PTPRD: variants seen among roughly 807,000 people sequenced by gnomAD.
PTPRD encodes protein tyrosine phosphatase receptor type D, also known as receptor-type tyrosine-protein phosphatase delta.
PTPRD carries 34 observed loss-of-function variants against 214.5 expected under a neutral mutation model. That is an observed-to-expected ratio of 0.16 (90% CI 0.12 to 0.21). The LOEUF is 0.21. PTPRD is among the 10% of genes least tolerant of loss of function. PTPRD has a pLI of 1.00. For synonymous variants in PTPRD, 1,128 were observed against 845.7 expected, an observed-to-expected ratio of 1.33 and a Z score of -5.79; for missense variants, 2,545 against 2,398.7, an observed-to-expected ratio of 1.06 and a Z score of -1.27.
chr9:10,193,603 T>C (rs539460794), intron 3 of PTPRD, among the ~76,000 whole-genome samples: 20 of 152,248 alleles, frequency 1.3e-4, no homozygotes, highest in African/African-American at 4.8e-4. Flanking sequence ...AATGTCAAGA[T>C]ACAGTGTTTC....
intron 9 of PTPRD, among the ~76,000 whole-genome samples, chr9:9,374,955 T>A (rs1358091512): frequency 1.3e-5 from 2 of 152,192 alleles, no homozygotes; most frequent in Non-Finnish European, 2.9e-5. Context: ...ATAAAAGACT[T>A]TTTAAAGAAT....
chr9:10,417,984 A>G (rs2098508543), intron 2 of PTPRD, among the ~76,000 whole-genome samples: 1 of 151,920 alleles, frequency 6.6e-6, no homozygotes, highest in African/African-American at 2.4e-5. Context: ...GGAGTTTAAC[A>G]GATTAGTTAA....
chr9:10,199,917 A>G (rs2099412913), intron 3 of PTPRD, among the ~76,000 whole-genome samples: 1 of 151,848 alleles, frequency 6.6e-6, no homozygotes, highest in South Asian at 2.1e-4. Context: ...ACACGCACAC[A>G]CACACACACA....
intron 10 of PTPRD, among the ~76,000 whole-genome samples, chr9:9,092,938 A>G (rs1189539663): frequency 6.6e-6 from 1 of 152,104 alleles, no homozygotes; most frequent in Non-Finnish European, 1.5e-5. Flanking sequence ...GCTATTGACA[A>G]GAAACCTGCT....
chr9:10,494,668 A>G (rs1414554152), intron 2 of PTPRD, among the ~76,000 whole-genome samples: 2 of 150,596 alleles, frequency 1.3e-5, no homozygotes, highest in African/African-American at 4.9e-5. Context: ...AACACAGGTA[A>G]TTGTAAAACT....
At chr9:8,431,212 A>G (rs1446755375) in intron 35 of PTPRD, among the ~76,000 whole-genome samples, 1 of 152,194 alleles carries the variant, frequency 6.6e-6, no homozygotes, top group Admixed American at 6.5e-5. Flanking sequence ...ACTGGCAAGT[A>G]CAACTTAGTC....
At chr9:10,292,243 T>C (rs2095548057) in intron 3 of PTPRD, among the ~76,000 whole-genome samples, 2 of 152,048 alleles carry the variant, frequency 1.3e-5, no homozygotes, top group South Asian at 4.1e-4. Flanking sequence ...TCACCTATAA[T>C]CTGTCAGCAC....
At chr9:10,527,148 G>C (rs899944870) in intron 2 of PTPRD, among the ~76,000 whole-genome samples, 10 of 152,124 alleles carry the variant, frequency 6.6e-5, no homozygotes, top group African/African-American at 2.2e-4. Flanking sequence ...GGTGTGAATA[G>C]ACAGAAACTA....
At chr9:9,021,101 T>G (rs2099568224) in intron 10 of PTPRD, among the ~76,000 whole-genome samples, 1 of 152,168 alleles carries the variant, frequency 6.6e-6, no homozygotes, top group Non-Finnish European at 1.5e-5. Context: ...GTCTAATTAT[T>G]TAAGAGGTAT....
chr9:9,071,478 C>T (rs2099743648), intron 10 of PTPRD, among the ~76,000 whole-genome samples: 1 of 152,094 alleles, frequency 6.6e-6, no homozygotes, highest in African/African-American at 2.4e-5. Context: ...TTCTTGCTGG[C>T]TTGGTGATGC....
At chr9:8,764,720 G>T (rs993734411) in intron 11 of PTPRD, among the ~76,000 whole-genome samples, 1 of 151,754 alleles carries the variant, frequency 6.6e-6, no homozygotes, top group African/African-American at 2.4e-5. Context: ...GTTTGAACCC[G>T]GGAGCTGGAG....
chr9:9,283,722 A>T (rs981327163), intron 9 of PTPRD, among the ~76,000 whole-genome samples: 3 of 151,520 alleles, frequency 2.0e-5, no homozygotes, highest in Non-Finnish European at 4.4e-5. Flanking sequence ...GTTTCTCTTT[A>T]CCATGAAATG....
intron 6 of PTPRD, among the ~76,000 whole-genome samples, chr9:9,756,147 C>G (rs771703296): frequency 1.1e-4 from 16 of 152,180 alleles, no homozygotes; most frequent in Admixed American, 5.9e-4. Flanking sequence ...ATATCGACCT[C>G]AAGCCACTTT....
rs907170018 is a variant in PTPRD at position 9,757,010 on chromosome 9, C to A, written c.-326+9800G>T. 4.2e-4 allele frequency among the ~76,000 whole-genome samples: 64 copies of A among 152,102 alleles called. 2 individuals carry two copies. Among genetic ancestry groups the A allele is most frequent in the Non-Finnish European group, 2.9e-5 (2 of 68,022 alleles). ...TTCATAAAATACTTTTATAGAATCA[C>A]TGTTTTCTTCAAACCAATGAAAAGA... On this transcript the variant is annotated intron_variant, in intron 6 of 45. Transcript: ENST00000381196.
At chr9:9,966,801 T>A (rs2094736216) in intron 4 of PTPRD, among the ~76,000 whole-genome samples, 1 of 152,124 alleles carries the variant, frequency 6.6e-6, no homozygotes, top group Non-Finnish European at 1.5e-5. Context: ...AACTTACAGA[T>A]GCTTTAGACA....
At chr9:8,819,212 C>T (rs796698929) in intron 11 of PTPRD, among the ~76,000 whole-genome samples, 10 of 152,170 alleles carry the variant, frequency 6.6e-5, no homozygotes, top group African/African-American at 2.2e-4. Context: ...GAAACAATTA[C>T]TATTATCAAA....
intron 44 of PTPRD, among the ~76,000 whole-genome samples, chr9:8,321,485 GTGTATA>G (rs1217577262): frequency 6.0e-4 from 27 of 45,364 alleles, no homozygotes; most frequent in African/African-American, 2.4e-3. Flanking sequence ...GTGTGTGTGT[GTGTATA>G]TATATATATA....
rs528677811 is a variant in PTPRD, at chr9:8,561,614, G to C, written c.353-32835C>G. 3.3e-5 allele frequency among the ~76,000 whole-genome samples: 5 copies of C among 152,284 alleles called. No individual in the cohort carries two copies. In the South Asian group the frequency reaches 1.0e-3, roughly 32 times the overall value. On this transcript the variant is annotated intron_variant, in intron 14 of 45. Transcript: ENST00000381196. Reference sequence around the variant, plus strand: ...CTGAGCAAGGTGGGGGTGAGGGGGGGTGGAGAGTGGAGGGCACATCACCAG... The same window carrying C: ...CTGAGCAAGGTGGGGGTGAGGGGGGCTGGAGAGTGGAGGGCACATCACCAG...
chr9:10,106,817 G>A (rs1307665102), intron 3 of PTPRD, among the ~76,000 whole-genome samples: 5 of 151,992 alleles, frequency 3.3e-5, no homozygotes, highest in Admixed American at 3.3e-4. Context: ...GCTTAAATAT[G>A]TAAAATGTCT....
Sources: allele counts gnomAD v4.1 joint callset (sites outside exome capture counted in the v4.1 genomes callset), GRCh38; gene constraint gnomAD v4.1.1; transcripts MANE v1.5; gene names NCBI Gene and HGNC (gene_info 2026-07-23, HGNC 2026-07-21).